FAR2: variants seen among roughly 807,000 people sequenced by gnomAD.
FAR2 encodes fatty acyl-CoA reductase 2.
Under a neutral mutation model 56.0 loss-of-function variants are expected in FAR2, and 19 were observed. That is an observed-to-expected ratio of 0.34 (90% CI 0.24 to 0.50). The LOEUF (loss-of-function observed/expected upper bound fraction) is 0.50, where lower values mean the gene tolerates loss of function less well. Among genes scored for constraint, FAR2 ranks in the 20% least tolerant of loss-of-function variants. The pLI is 0.98. For synonymous variants in FAR2, 219 were observed against 218.8 expected, an observed-to-expected ratio of 1.00 and a Z score of -0.01; for missense variants, 508 against 642.2, an observed-to-expected ratio of 0.79 and a Z score of 2.26.
At chr12:29,277,419 A>T (rs1948718237) in intron 2 of FAR2, 1 of 152,240 alleles carries the variant, frequency 6.6e-6, no homozygotes, top group Non-Finnish European at 1.5e-5. Flanking sequence ...GTATTTATTG[A>T]GAGCCAAATG....
At chr12:29,294,604 C>T (rs776263341) in intron 3 of FAR2, among the ~76,000 whole-genome samples, 7 of 152,220 alleles carry the variant, frequency 4.6e-5, no homozygotes, top group Non-Finnish European at 1.0e-4. Flanking sequence ...CCCGCCTTGG[C>T]CTCCCAAAGT....
chr12:29,201,056 G>C (rs903549436), intron 1 of FAR2, among the ~76,000 whole-genome samples: 1 of 152,152 alleles, frequency 6.6e-6, no homozygotes, highest in Non-Finnish European at 1.5e-5. Flanking sequence ...CTTGAGAGGA[G>C]TGCTGCCGCA....
At chr12:29,283,958 C>T (rs896142732) in intron 2 of FAR2, among the ~76,000 whole-genome samples, 1 of 152,158 alleles carries the variant, frequency 6.6e-6, no homozygotes, top group African/African-American at 2.4e-5. Context: ...GCAAATAAAT[C>T]ATTCAGTAGT....
intron 1 of FAR2, among the ~76,000 whole-genome samples, chr12:29,199,611 A>G (rs1228134243): frequency 3.5e-5 from 3 of 85,098 alleles, no homozygotes; most frequent in Non-Finnish European, 6.2e-5. Context: ...AAAAAAAAAA[A>G]AAAAGAAAGA....
intron 9 of FAR2, among the ~76,000 whole-genome samples, chr12:29,319,256 G>A (rs928592200): frequency 6.6e-6 from 1 of 152,150 alleles, no homozygotes; most frequent in Non-Finnish European, 1.5e-5. Context: ...CTCCCAAAGT[G>A]CTGGGATTAC....
chr12:29,256,604 G>A (rs1023575123), intron 1 of FAR2, among the ~76,000 whole-genome samples: 6 of 152,196 alleles, frequency 3.9e-5, no homozygotes, highest in African/African-American at 1.4e-4. Context: ...GCTGGCCAAG[G>A]CCAGAGCCCA....
At chr12:29,169,473 C>T (rs1949864903) in intron 1 of FAR2, among the ~76,000 whole-genome samples, 1 of 152,164 alleles carries the variant, frequency 6.6e-6, no homozygotes, top group Non-Finnish European at 1.5e-5. Context: ...AGCAAGATGG[C>T]AGTCACGGGA....
intron 1 of FAR2, among the ~76,000 whole-genome samples, chr12:29,170,202 TTTCC>T (rs1333823563): frequency 6.6e-6 from 1 of 152,146 alleles, no homozygotes; most frequent in Non-Finnish European, 1.5e-5. Flanking sequence ...TCTGCAAGAG[TTTCC>T]TTATCATTTA....
intron 2 of FAR2, among the ~76,000 whole-genome samples, chr12:29,272,582 C>T (rs2136710033): frequency 6.6e-6 from 1 of 152,244 alleles, no homozygotes; most frequent in East Asian, 1.9e-4. Flanking sequence ...GAACATGCTC[C>T]TTTAGCTCAT....
At chr12:29,284,987 G>A (rs1452080365) in intron 2 of FAR2, among the ~76,000 whole-genome samples, 3 of 151,926 alleles carry the variant, frequency 2.0e-5, no homozygotes, top group South Asian at 2.1e-4. Context: ...GACTACAGGC[G>A]CCCGCCACCA....
intron 1 of FAR2, among the ~76,000 whole-genome samples, chr12:29,252,869 A>G (rs893299589): frequency 1.3e-5 from 2 of 152,284 alleles, no homozygotes; most frequent in Middle Eastern, 3.4e-3. Flanking sequence ...TATTTGGTCA[A>G]AGTTATTCTG....
At chr12:29,182,440 T>C (rs190967566) in intron 1 of FAR2, among the ~76,000 whole-genome samples, 2 of 152,356 alleles carry the variant, frequency 1.3e-5, no homozygotes, top group East Asian at 3.9e-4. Context: ...GGTTGGTGCA[T>C]TTACAGTCTT....
At chr12:29,231,573 A>C (rs1845892963) in intron 1 of FAR2, among the ~76,000 whole-genome samples, 1 of 152,236 alleles carries the variant, frequency 6.6e-6, no homozygotes, top group African/African-American at 2.4e-5. Flanking sequence ...CTGAAACTTA[A>C]AGAAAAAATA....
At chr12:29,328,655 C>T (rs1324771291) in intron 10 of FAR2, among the ~76,000 whole-genome samples, 3 of 149,958 alleles carry the variant, frequency 2.0e-5, no homozygotes, top group Non-Finnish European at 2.9e-5. Flanking sequence ...AAAAACCAAA[C>T]ACCGCATGTT....
intron 1 of FAR2, among the ~76,000 whole-genome samples, chr12:29,264,395 C>T (rs1948476217): frequency 6.6e-6 from 1 of 152,082 alleles, no homozygotes; most frequent in Non-Finnish European, 1.5e-5. Context: ...AAAAGCCTTT[C>T]CTCTAAGATC....
At chr12:29,268,161 A>G (rs982417235) in intron 1 of FAR2, among the ~76,000 whole-genome samples, 4 of 152,170 alleles carry the variant, frequency 2.6e-5, no homozygotes, top group African/African-American at 9.7e-5. Flanking sequence ...AGAGTTGGAG[A>G]GCAGGGTGTT....
At chr12:29,220,824 C>T (rs1947678474) in intron 1 of FAR2, among the ~76,000 whole-genome samples, 2 of 152,162 alleles carry the variant, frequency 1.3e-5, no homozygotes, top group African/African-American at 4.8e-5. Context: ...GAACAGGAAT[C>T]AAAGGAAGTA....
rs1201204598 is a variant in FAR2 at position 29,307,673 on chromosome 12, T to C, written c.561T>C (p.Ala187=). The change falls in exon 5 of 12, where the codon GCT becomes GCC. Residue 187 remains alanine, a synonymous_variant. Coordinates refer to ENST00000536681, the MANE Select transcript of FAR2 (RefSeq NM_001271783.2). ...TACCTTTTAGGTGGTTAGACGATGC[T>C]ATTATTGACGAGATTACACCCAAGC... ...IIDSLEWLDD[A]IIDEITPKLI... 6.2e-7 allele frequency: 1 copy of C among 1,611,536 alleles called. No homozygotes were observed. Among genetic ancestry groups the C allele is most frequent in the Admixed American group, 1.7e-5 (1 of 59,510 alleles).
chr12:29,313,358 C>G (rs1949385344), intron 8 of FAR2, among the ~76,000 whole-genome samples: 1 of 152,136 alleles, frequency 6.6e-6, no homozygotes, highest in Admixed American at 6.5e-5. Context: ...ATTCTTGAGA[C>G]TCTTCAAATT....
Sources: allele counts gnomAD v4.1 joint callset (sites outside exome capture counted in the v4.1 genomes callset), GRCh38; gene constraint gnomAD v4.1.1; transcripts MANE v1.5; gene names NCBI Gene and HGNC (gene_info 2026-07-23, HGNC 2026-07-21).